Variants in PHF20 observed in about 807,000 individuals in gnomAD.
The protein encoded by PHF20 is PHD finger protein 20, also known as glioma-expressed antigen 2.
A neutral mutation model predicts 113.5 loss-of-function variants in PHF20; 23 were observed. The observed-to-expected ratio is 0.20, with a 90% CI of 0.15 to 0.29. The LOEUF (loss-of-function observed/expected upper bound fraction) is 0.29, where lower values mean the gene tolerates loss of function less well. Ranked by LOEUF, PHF20 falls within the 10% of genes least tolerant of loss-of-function variation. PHF20 has a pLI of 1.00. For missense variants in PHF20, 943 were observed against 1,219.6 expected (o/e 0.77, Z 3.38); for synonymous variants, 434 against 457.3 (o/e 0.95, Z 0.65).
At chr20:35,810,387 T>C (rs998905626) in intron 2 of PHF20, among the ~76,000 whole-genome samples, 3 of 152,178 alleles carry the variant, frequency 2.0e-5, no homozygotes, top group African/African-American at 7.2e-5. Context: ...ATTGGTTTTT[T>C]ACACTGTCAT....
At position 35,808,981 on chromosome 20, in the gene PHF20, A is replaced by G. The variant is rs574760479; in HGVS notation, c.83+7376A>G. On this transcript the variant is annotated intron_variant, in intron 2 of 17. Transcript: ENST00000374012. ...TTAAACTTAACATTTGGCCAGATGC[A>G]GTGGCTCATGCCCGTAATCCCAGCA... Among the ~76,000 whole-genome samples, 6 of 151,792 alleles carry G rather than the reference A, an allele frequency of 4.0e-5. No homozygotes were observed. The East Asian group carries it at 1.2e-3, about 30-fold the overall frequency.
intron 9 of PHF20, among the ~76,000 whole-genome samples, chr20:35,897,180 C>T (rs1456270337): frequency 6.6e-6 from 1 of 152,042 alleles, no homozygotes; most frequent in Non-Finnish European, 1.5e-5. Context: ...ACTATAGGCA[C>T]ATGCCATCAT....
In PHF20 at chr20:35,947,700, A is replaced by G. The variant is rs777331679; in HGVS notation, c.*73A>G. The G allele has an allele frequency of 6.1e-6, 9 of 1,480,498 alleles. No individual in the cohort carries two copies. The highest frequency in any genetic ancestry group is 1.2e-5 in the South Asian group (1 of 84,560). The allele number at this position is 1,480,498 out of a possible 1,614,324, so 91.7% of individuals were successfully genotyped here. On this transcript the variant is annotated 3_prime_UTR_variant, in exon 18 of 18. Coordinates refer to ENST00000374012, the MANE Select transcript of PHF20 (RefSeq NM_016436.5). ...GGAGGAGCTTCGCATATTTAAATAA[A>G]TAAACCTAGCATGCTGAATGCACGT...
At chr20:35,831,648 T>C (rs1166534620) in intron 2 of PHF20, among the ~76,000 whole-genome samples, 1 of 152,074 alleles carries the variant, frequency 6.6e-6, no homozygotes, top group African/African-American at 2.4e-5. Flanking sequence ...GACGGAGTCT[T>C]CCTATGCTGC....
At chr20:35,927,963 G>A (rs1005524747) in intron 14 of PHF20, 84 bp downstream of exon 14, 20 of 951,822 alleles carry the variant, frequency 2.1e-5, no homozygotes, top group South Asian at 3.9e-5. Flanking sequence ...AAATGTCTGC[G>A]GTCTTGAGAC....
At chr20:35,851,614 C>G (rs2042733639) in intron 4 of PHF20, among the ~76,000 whole-genome samples, 1 of 150,950 alleles carries the variant, frequency 6.6e-6, no homozygotes, top group Non-Finnish European at 1.5e-5. Context: ...CCTAGATAGC[C>G]TTTAACGATG....
chr20:35,869,602 C>G (rs890091604), intron 7 of PHF20, 51 bp downstream of exon 7: 1 of 942,604 alleles, frequency 1.1e-6, no homozygotes, highest in Non-Finnish European at 1.7e-6. Context: ...TTGTTTGGGT[C>G]AACTTCCTCT....
chr20:35,897,431 T>C (rs1215140260), intron 9 of PHF20, among the ~76,000 whole-genome samples: 8 of 152,166 alleles, frequency 5.3e-5, no homozygotes, highest in Non-Finnish European at 1.0e-4. Context: ...GAGCATTTAT[T>C]TCTTTGTGTT....
intron 9 of PHF20, among the ~76,000 whole-genome samples, chr20:35,879,613 A>T (rs976075052): frequency 6.6e-6 from 1 of 151,972 alleles, no homozygotes; most frequent in Non-Finnish European, 1.5e-5. Context: ...ATACCATCGA[A>T]TGTTATTACA....
intron 2 of PHF20, among the ~76,000 whole-genome samples, chr20:35,831,182 T>C (rs2042352257): frequency 1.3e-5 from 2 of 151,484 alleles, no homozygotes; most frequent in South Asian, 4.2e-4. Flanking sequence ...TTTATTTATT[T>C]TGGGTCTCAC....
intron 17 of PHF20, among the ~76,000 whole-genome samples, chr20:35,947,236 G>A (rs766747264): frequency 7.2e-5 from 11 of 152,180 alleles, no homozygotes; most frequent in South Asian, 2.1e-4. Flanking sequence ...ATTGATCATC[G>A]CAGAAAGTTC....
Position 35,949,533 on chromosome 20 carries a change from ATTG to A in PHF20, c.*1909_*1911del, listed in dbSNP as rs1175286239. On this transcript the variant is annotated 3_prime_UTR_variant, in exon 18 of 18. Transcript: ENST00000374012. ...TTGCCAACTGGCCATTATTGGGATT[ATTG>A]TTTAAATTTTTGGTAAAGGAAGTAA... 1 of 152,644 alleles carries A rather than the reference ATTG, an allele frequency of 6.6e-6. No homozygotes were observed. Among genetic ancestry groups the A allele is most frequent in the Non-Finnish European group, 1.5e-5 (1 of 68,038 alleles). 9.5% of individuals were successfully genotyped at this position (152,644 alleles called of 1,614,324 possible).
In PHF20 at chr20:35,802,857, T is replaced by C. The variant is rs572861418; in HGVS notation, c.83+1252T>C. Among the ~76,000 whole-genome samples, 5 of 149,542 alleles carry C rather than the reference T, an allele frequency of 3.3e-5. No individual in the cohort carries two copies. In the South Asian group the frequency reaches 8.4e-4, roughly 25 times the overall value. On this transcript the variant is annotated intron_variant, in intron 2 of 17. Transcript: ENST00000374012. ...GGGAGGCTGAGCCAGGAGAATTGCT[T>C]GAACCCGGGAGGTGGAGGTTGCAGT...
chr20:35,942,893 A>G (rs978980985), intron 17 of PHF20, among the ~76,000 whole-genome samples: 6 of 151,416 alleles, frequency 4.0e-5, no homozygotes, highest in African/African-American at 1.2e-4. Context: ...GTGCCATCTC[A>G]GCTCACTGCA....
chr20:35,787,772 A>AT (rs2041452148), intron 1 of PHF20, among the ~76,000 whole-genome samples: 1 of 144,078 alleles, frequency 6.9e-6, no homozygotes, highest in African/African-American at 2.6e-5. Flanking sequence ...CGCCCAGCCT[A>AT]TTTTTTTATT....
At chr20:35,795,856 A>G (rs953376275) in intron 1 of PHF20, among the ~76,000 whole-genome samples, 5 of 151,988 alleles carry the variant, frequency 3.3e-5, no homozygotes, top group Non-Finnish European at 7.4e-5. Flanking sequence ...TTTAATTATT[A>G]TAAATTTTTT....
At chr20:35,919,184 T>G (rs1175691775) in intron 13 of PHF20, among the ~76,000 whole-genome samples, 1 of 151,784 alleles carries the variant, frequency 6.6e-6, no homozygotes, top group African/African-American at 2.4e-5. Flanking sequence ...GCCCGGCTAA[T>G]TTTTGTATTT....
In PHF20 at chr20:35,949,967, TGC is replaced by T. The variant is rs2056150878; in HGVS notation, c.*2341_*2342del. ...ACTTGGGAGGCTGAAGCAGGAGAGG[TGC>T]TGGAACCTGGGAGGCGGAGGTTGAA... On this transcript the variant is annotated 3_prime_UTR_variant, in exon 18 of 18. Coordinates refer to ENST00000374012, the MANE Select transcript of PHF20 (RefSeq NM_016436.5). 1 of 152,190 alleles carries T rather than the reference TGC, an allele frequency of 6.6e-6. No individual in the cohort carries two copies. The highest frequency in any genetic ancestry group is 1.5e-5 in the Non-Finnish European group (1 of 68,066). 9.4% of individuals were successfully genotyped at this position (152,190 alleles called of 1,614,324 possible). A position where few individuals can be genotyped will look rare whatever the true frequency, so the allele number is the denominator to read the frequency against.
intron 2 of PHF20, among the ~76,000 whole-genome samples, chr20:35,807,784 T>A (rs917861147): frequency 2.0e-5 from 3 of 152,204 alleles, no homozygotes; most frequent in African/African-American, 7.2e-5. Context: ...TTATGACATT[T>A]ATGAGATTGT....
Sources: allele counts gnomAD v4.1 joint callset (sites outside exome capture counted in the v4.1 genomes callset), GRCh38; gene constraint gnomAD v4.1.1; transcripts MANE v1.5; gene names NCBI Gene and HGNC (gene_info 2026-07-23, HGNC 2026-07-21).